MICAL3: variants seen among roughly 807,000 people sequenced by gnomAD.
MICAL3 encodes the protein [F-actin]-monooxygenase MICAL3.
MICAL3 carries 62 observed loss-of-function variants against 207.4 expected under a neutral mutation model. The observed-to-expected ratio is 0.30, with a 90% CI of 0.24 to 0.37. MICAL3 has a LOEUF of 0.37. MICAL3 is among the 10% of genes least tolerant of loss of function. MICAL3 has a pLI of 1.00. For missense variants in MICAL3, 2,368 were observed against 2,635.6 expected (o/e 0.90, Z 2.22); for synonymous variants, 1,077 against 1,069.3 (o/e 1.01, Z -0.14).
chr22:17,928,574 GC>G (rs1933049774), intron 1 of MICAL3, among the ~76,000 whole-genome samples: 1 of 152,162 alleles, frequency 6.6e-6, no homozygotes, highest in Non-Finnish European at 1.5e-5. Flanking sequence ...TGTGCAAGGA[GC>G]ACTTAAGAAA....
chr22:17,877,428 ATTATGGAGGTGAGGGAGG>A (rs1556198732), intron 16 of MICAL3, among the ~76,000 whole-genome samples: 1,238 of 15,792 alleles, frequency 0.078, 2 homozygotes, highest in South Asian at 0.089. Flanking sequence ...GGTTAGGGAG[ATTATGGAGGTGAGGGAGG>A]TTATGGAGGT....
rs142212282 is a variant in MICAL3 at position 17,891,816 on chromosome 22, C to T, written c.1547-184G>A. Reference sequence around the variant, plus strand: ...GGTTATGCAAATGGTATCATGACAGCGAATTCTAAGAAAAGAAACTACTAG... The same window carrying T: ...GGTTATGCAAATGGTATCATGACAGTGAATTCTAAGAAAAGAAACTACTAG... On this transcript the variant is annotated intron_variant, in intron 11 of 31. Coordinates refer to ENST00000441493, the MANE Select transcript of MICAL3 (RefSeq NM_015241.3). Among the ~76,000 whole-genome samples, 387 of 152,288 alleles carry T rather than the reference C, an allele frequency of 2.5e-3. 3 individuals carry two copies. Among genetic ancestry groups the T allele is most frequent in the African/African-American group, 8.5e-3 (352 of 41,542 alleles).
intron 27 of MICAL3, among the ~76,000 whole-genome samples, chr22:17,816,238 C>T (rs1920995096): frequency 6.6e-6 from 1 of 152,226 alleles, no homozygotes; most frequent in African/African-American, 2.4e-5. Context: ...AGACGACAAA[C>T]CCTCCCTAAC....
chr22:17,794,281 C>T (rs1190425479), intron 29 of MICAL3, among the ~76,000 whole-genome samples: 1 of 152,266 alleles, frequency 6.6e-6, no homozygotes, highest in Non-Finnish European at 1.5e-5. Context: ...CTGCCTGGCT[C>T]TGAGACAGAC....
At chr22:17,849,892 T>C (rs1224352874) in intron 19 of MICAL3, among the ~76,000 whole-genome samples, 2 of 151,706 alleles carry the variant, frequency 1.3e-5, no homozygotes, top group South Asian at 2.1e-4. Context: ...CGGGTTTCAC[T>C]ATGTTGGCCA....
intron 27 of MICAL3, 53 bp from the exon 28 acceptor site, chr22:17,810,866 G>C (rs931260316): frequency 1.2e-5 from 18 of 1,480,642 alleles, no homozygotes; most frequent in Non-Finnish European, 1.7e-5. Context: ...GCCTGGGACA[G>C]GGGTGGGCAG....
Position 17,788,156 on chromosome 22 carries a change from C to T in MICAL3, c.*2576G>A, listed in dbSNP as rs982210625. ...AAGTCACCAGAGTACTCAAGTCAACCGCAAACTAGTGGTTACAAAATGGGA... is the reference window on the plus strand; with the variant it reads ...AAGTCACCAGAGTACTCAAGTCAACTGCAAACTAGTGGTTACAAAATGGGA... On this transcript the variant is annotated 3_prime_UTR_variant, in exon 32 of 32. Coordinates refer to ENST00000441493, the MANE Select transcript of MICAL3 (RefSeq NM_015241.3). 8 of 152,264 alleles carry T rather than the reference C, an allele frequency of 5.3e-5. No individual in the cohort carries two copies. Among genetic ancestry groups the T allele is most frequent in the Non-Finnish European group, 1.2e-4 (8 of 68,050 alleles). The allele number at this position is 152,264 out of a possible 1,614,324, so 9.4% of individuals were successfully genotyped here.
At chr22:18,013,656 G>A (rs1923880858) in intron 1 of MICAL3, among the ~76,000 whole-genome samples, 1 of 152,124 alleles carries the variant, frequency 6.6e-6, no homozygotes, top group African/African-American at 2.4e-5. Context: ...CATGGCCTAG[G>A]GTATGTGCTT....
At chr22:17,962,521 A>G (rs5992922) in intron 1 of MICAL3, among the ~76,000 whole-genome samples, 30,358 of 152,106 alleles carry the variant, frequency 0.2, 3,164 homozygotes, top group Middle Eastern at 0.27. Flanking sequence ...CCAGGAGGGT[A>G]GCATCAAGGA....
intron 16 of MICAL3, chr22:17,875,105 T>G (rs924782802): frequency 2.7e-4 from 44 of 160,902 alleles, no homozygotes; most frequent in African/African-American, 1.1e-3. Flanking sequence ...TTTTAACACA[T>G]ATTATTTTGG....
chr22:17,956,754 C>T (rs1193041784), intron 1 of MICAL3, among the ~76,000 whole-genome samples: 1 of 152,162 alleles, frequency 6.6e-6, no homozygotes, highest in Non-Finnish European at 1.5e-5. Context: ...TGCTTACGTG[C>T]ATACAGGGCA....
intron 27 of MICAL3, 54 bp from the exon 28 acceptor site, chr22:17,810,867 G>A: frequency 6.7e-7 from 1 of 1,481,718 alleles, no homozygotes; most frequent in Non-Finnish European, 9.4e-7. Context: ...CCTGGGACAG[G>A]GGTGGGCAGC....
At chr22:17,827,286 C>A (rs140547730) in intron 22 of MICAL3, among the ~76,000 whole-genome samples, 1 of 152,080 alleles carries the variant, frequency 6.6e-6, no homozygotes, top group African/African-American at 2.4e-5. Context: ...CACACATTCA[C>A]GTCCAGACAC....
intron 2 of MICAL3, among the ~76,000 whole-genome samples, chr22:17,905,858 C>G (rs1931675023): frequency 1.3e-5 from 2 of 152,194 alleles, no homozygotes; most frequent in South Asian, 4.1e-4. Context: ...AACCCCATTT[C>G]TCCACATGGT....
intron 13 of MICAL3, among the ~76,000 whole-genome samples, chr22:17,887,653 A>C (rs938490756): frequency 1.2e-4 from 18 of 152,222 alleles, no homozygotes; most frequent in African/African-American, 4.1e-4. Flanking sequence ...CCACATAAAC[A>C]AAAATGACTC....
At position 17,906,695 on chromosome 22, in the gene MICAL3, C is replaced by T; in HGVS notation, c.118G>A (p.Glu40Lys). 2 of 1,613,934 alleles carry T rather than the reference C, an allele frequency of 1.2e-6. No homozygotes were observed. Among genetic ancestry groups the T allele is most frequent in the South Asian group, 1.1e-5 (1 of 91,072 alleles). ...KAFQELCDHLELKPKDYRSFY... is the reference protein window; with the variant it reads ...KAFQELCDHLKLKPKDYRSFY... ...GAGCGGTAGTCCTTTGGCTTTAGTT[C>T]CAGGTGGTCACAGAGCTCCTGGAAA... Residue 40 changes from glutamate (E) to lysine (K), a missense_variant, in exon 2 of 32, where the codon GAA (glutamate) becomes AAA (lysine). Physicochemically the swap from Glu to Lys is moderately conservative, Grantham distance 56 (BLOSUM62 1). Coordinates refer to ENST00000441493, the MANE Select transcript of MICAL3 (RefSeq NM_015241.3).
Position 17,902,055 on chromosome 22 carries a change from G to T in MICAL3, c.590-76C>A. 2 of 1,057,144 alleles carry T rather than the reference G, an allele frequency of 1.9e-6. No homozygotes were observed. Among genetic ancestry groups the T allele is most frequent in the African/African-American group, 1.6e-5 (1 of 64,110 alleles). 65.5% of individuals were successfully genotyped at this position (1,057,144 alleles called of 1,614,324 possible). On this transcript the variant is annotated intron_variant, in intron 4 of 31. Coordinates refer to ENST00000441493, the MANE Select transcript of MICAL3 (RefSeq NM_015241.3). This position sits in a 1 kb window ranked among gnomAD's most constrained non-coding sequence, Gnocchi z 4.5. The stretch of plus-strand genomic sequence containing the variant: ...AGCCAGGACCATCTCTAGATACCCA[G>T]TCATGTGAACTGCACAAAACCCTGG...
chr22:17,867,653 G>A (rs953541736), intron 17 of MICAL3, among the ~76,000 whole-genome samples: 6 of 152,324 alleles, frequency 3.9e-5, no homozygotes, highest in Non-Finnish European at 7.3e-5. Flanking sequence ...AGGGTGCTCT[G>A]GGGACTGGCA....
chr22:17,799,235 A>G (rs891834739), intron 29 of MICAL3, among the ~76,000 whole-genome samples: 6 of 152,084 alleles, frequency 3.9e-5, no homozygotes, highest in African/African-American at 1.4e-4. Context: ...ACACAAAATT[A>G]GCTGGGTGTG....
Sources: allele counts gnomAD v4.1 joint callset (sites outside exome capture counted in the v4.1 genomes callset), GRCh38; gene constraint gnomAD v4.1.1; non-coding constraint Gnocchi (gnomAD v3.1); transcripts MANE v1.5; gene names NCBI Gene and HGNC (gene_info 2026-07-23, HGNC 2026-07-21).